GOLIM4: variants seen among roughly 807,000 people sequenced by gnomAD.
GOLIM4 encodes the protein golgi integral membrane protein 4.
GOLIM4 carries 71 observed loss-of-function variants against 107.4 expected under a neutral mutation model. The ratio of observed to expected loss-of-function variants is 0.66; its 90% CI spans 0.55 to 0.81. The LOEUF (loss-of-function observed/expected upper bound fraction) is 0.81, where lower values mean the gene tolerates loss of function less well. GOLIM4 is among the 30% of genes least tolerant of loss of function. The probability of loss-of-function intolerance (pLI) is 0.00; values close to 1 mark genes in which losing one functional copy is unlikely to be tolerated. For missense variants in GOLIM4, 830 were observed against 826.1 expected, an observed-to-expected ratio of 1.00 and a Z score of -0.06; for synonymous variants, 327 against 294.8, an observed-to-expected ratio of 1.11 and a Z score of -1.12.
chr3:168,044,233 G>A (rs1162999166), intron 4 of GOLIM4, among the ~76,000 whole-genome samples: 1 of 152,162 alleles, frequency 6.6e-6, no homozygotes, highest in Admixed American at 6.5e-5. Context: ...GAAAGCGAGG[G>A]GGAGGCACGG....
At chr3:168,011,035 G>A (rs1393601665) in intron 14 of GOLIM4, among the ~76,000 whole-genome samples, 1 of 152,210 alleles carries the variant, frequency 6.6e-6, no homozygotes, top group Non-Finnish European at 1.5e-5. Flanking sequence ...ATGTATAAGG[G>A]AGGAGCCAAG....
intron 10 of GOLIM4, 100 bp downstream of exon 10, chr3:168,029,680 C>T: frequency 7.3e-7 from 1 of 1,376,258 alleles, no homozygotes; most frequent in South Asian, 1.3e-5. Flanking sequence ...AATATGAGCC[C>T]CTTAACTTCA....
intron 14 of GOLIM4, among the ~76,000 whole-genome samples, chr3:168,018,452 C>T (rs181917127): frequency 4.8e-4 from 73 of 152,248 alleles, no homozygotes; most frequent in Admixed American, 3.9e-3. Flanking sequence ...ACCAGTCCAA[C>T]GCCAGTTTGA....
intron 10 of GOLIM4, 40 bp downstream of exon 10, chr3:168,029,740 G>A (rs770944045): frequency 1.9e-6 from 3 of 1,602,302 alleles, no homozygotes; most frequent in Admixed American, 1.7e-5. Flanking sequence ...GAAAACTGGA[G>A]CAGGGGCTGT....
At chr3:168,075,317 G>A (rs1249844876) in intron 1 of GOLIM4, among the ~76,000 whole-genome samples, 1 of 72,160 alleles carries the variant, frequency 1.4e-5, no homozygotes, top group Non-Finnish European at 2.6e-5. Context: ...TTTTTTTTGA[G>A]ACGGAGTCTC....
intron 14 of GOLIM4, among the ~76,000 whole-genome samples, chr3:168,013,661 G>A (rs1466537546): frequency 1.3e-5 from 2 of 151,476 alleles, no homozygotes; most frequent in Non-Finnish European, 1.5e-5. Context: ...CTCAGCAAAT[G>A]TAAAAGAACA....
intron 1 of GOLIM4, among the ~76,000 whole-genome samples, chr3:168,080,097 A>C (rs1335911900): frequency 6.6e-6 from 1 of 152,316 alleles, no homozygotes; most frequent in Non-Finnish European, 1.5e-5. Flanking sequence ...ATAATAACAA[A>C]AAGTTTCAAG....
chr3:168,027,698 T>A, intron 12 of GOLIM4, 30 bp downstream of exon 12: 1 of 1,262,318 alleles, frequency 7.9e-7, no homozygotes, highest in Non-Finnish European at 1.2e-6. Context: ...TGAGTTTACA[T>A]GTGTCAGGGG....
chr3:168,034,159 C>T (rs1718508702), intron 8 of GOLIM4, among the ~76,000 whole-genome samples: 2 of 151,844 alleles, frequency 1.3e-5, no homozygotes, highest in Admixed American at 6.6e-5. Context: ...ATTCCACCGA[C>T]ATCCTCACAT....
intron 1 of GOLIM4, among the ~76,000 whole-genome samples, chr3:168,091,004 C>T (rs1189146139): frequency 2.7e-5 from 4 of 150,430 alleles, no homozygotes; most frequent in Non-Finnish European, 4.4e-5. Flanking sequence ...GAAGTGGAGA[C>T]TACAAAAGGT....
chr3:168,043,968 G>A (rs752066947), intron 4 of GOLIM4, among the ~76,000 whole-genome samples: 2 of 152,206 alleles, frequency 1.3e-5, no homozygotes, highest in Non-Finnish European at 2.9e-5. Context: ...GTTTAAAAGA[G>A]AGAGAGTAAA....
At chr3:168,022,236 T>G (rs186732991) in intron 14 of GOLIM4, among the ~76,000 whole-genome samples, 370 of 152,134 alleles carry the variant, frequency 2.4e-3, no homozygotes, top group African/African-American at 8.8e-3. Context: ...AGAAATAAGT[T>G]TGTGCGCTGG....
intron 1 of GOLIM4, among the ~76,000 whole-genome samples, chr3:168,052,568 A>G (rs1302405395): frequency 6.6e-6 from 1 of 152,228 alleles, no homozygotes; most frequent in African/African-American, 2.4e-5. Context: ...AAAAACGGAA[A>G]GACAGTAGAA....
Position 168,095,106 on chromosome 3 carries a change from C to T in GOLIM4, c.180G>A (p.Gln60=). 6.3e-7 allele frequency: 1 copy of T among 1,599,692 alleles called. No homozygotes were observed. Among genetic ancestry groups the T allele is most frequent in the African/African-American group, 1.3e-5 (1 of 74,650 alleles). ...GCGTCCCGTTAGCCGTACCTTGTAA[C>T]TGGGCGGAGAGGGACTCCTGGTGCT... The part of the protein sequence containing the change: ...YQQHQESLSA[Q]LQVVYEHRSR... Residue 60 remains glutamine (Q), a synonymous_variant, in exon 1 of 16, where the codon CAG becomes CAA. Transcript: ENST00000470487.
intron 1 of GOLIM4, among the ~76,000 whole-genome samples, chr3:168,079,693 A>G (rs1481143904): frequency 1.3e-5 from 2 of 152,192 alleles, no homozygotes; most frequent in Admixed American, 6.6e-5. Flanking sequence ...ATAACTAAAA[A>G]TACAAAATTT....
intron 9 of GOLIM4, among the ~76,000 whole-genome samples, chr3:168,031,491 G>A (rs1718336608): frequency 6.6e-6 from 1 of 152,138 alleles, no homozygotes; most frequent in Non-Finnish European, 1.5e-5. Context: ...AATAAAAAGT[G>A]TCTGTACCCC....
chr3:168,055,801 C>CAA (rs35124035), intron 1 of GOLIM4, among the ~76,000 whole-genome samples: 44,574 of 103,288 alleles, frequency 0.43, 9,042 homozygotes, highest in Middle Eastern at 0.58. Flanking sequence ...GACTCTGTCT[C>CAA]AAAAAAAAAA....
chr3:168,010,774 G>C lies in GOLIM4; in HGVS notation c.1910C>G (p.Ala637Gly). 1 of 1,611,908 alleles carries C rather than the reference G, an allele frequency of 6.2e-7. No individual in the cohort carries two copies. Among genetic ancestry groups the C allele is most frequent in the Non-Finnish European group, 8.5e-7 (1 of 1,178,460 alleles). ...EEKKRELEHN[A>G]EETYGENDEN... ...ATCATTTTCACCATAGGTCTCTTCA[G>C]CATTATGCTCCAGTTCCCTTTTTTT... Residue 637 changes from alanine (A) to glycine (G), a missense_variant, in exon 15 of 16, where the codon GCT becomes GGT. Coordinates refer to ENST00000470487, the MANE Select transcript of GOLIM4 (RefSeq NM_014498.5).
chr3:168,057,188 C>T (rs1452493349), intron 1 of GOLIM4, among the ~76,000 whole-genome samples: 1 of 152,228 alleles, frequency 6.6e-6, no homozygotes, highest in African/African-American at 2.4e-5. Context: ...CCATGTGAGA[C>T]ATGCCTTTCA....
Sources: allele counts gnomAD v4.1 joint callset (sites outside exome capture counted in the v4.1 genomes callset), GRCh38; gene constraint gnomAD v4.1.1; transcripts MANE v1.5; gene names NCBI Gene and HGNC (gene_info 2026-07-23, HGNC 2026-07-21).